ZNF184: variants seen among roughly 807,000 people sequenced by gnomAD.
ZNF184 encodes zinc finger protein 184 (Kruppel-like).
ZNF184 carries 16 observed loss-of-function variants against 54.4 expected under a neutral mutation model. The observed-to-expected ratio is 0.29, with a 90% CI of 0.20 to 0.45. The LOEUF is 0.45. Ranked by LOEUF, ZNF184 falls within the 20% of genes least tolerant of loss-of-function variation. The pLI is 1.00. For missense variants in ZNF184, 681 were observed against 888.2 expected, an observed-to-expected ratio of 0.77 and a Z score of 2.97; for synonymous variants, 254 against 295.3, an observed-to-expected ratio of 0.86 and a Z score of 1.43.
chr6:27,425,119 G>A, the ZNF184 span, among the ~76,000 whole-genome samples: 66,616 of 152,106 alleles, frequency 0.44, 15,062 homozygotes, highest in South Asian at 0.56. Flanking sequence ...CGGCTGCTCC[G>A]AGCGCGGGGC....
the ZNF184 span, among the ~76,000 whole-genome samples, chr6:27,442,822 G>GAA: frequency 4.8e-4 from 11 of 22,688 alleles, 1 homozygote; most frequent in South Asian, 4.9e-3. Context: ...GAGAAAGAAA[G>GAA]AAAGAAAGAA....
the ZNF184 span, among the ~76,000 whole-genome samples, chr6:27,407,217 C>T: frequency 2.6e-5 from 4 of 152,314 alleles, no homozygotes; most frequent in East Asian, 1.9e-4. Flanking sequence ...TTGTGGGGGA[C>T]GTAGGCAGGT....
the ZNF184 span, among the ~76,000 whole-genome samples, chr6:27,425,989 A>G: frequency 6.6e-6 from 1 of 152,188 alleles, no homozygotes; most frequent in Non-Finnish European, 1.5e-5. Context: ...TTTCAAGCAC[A>G]CTGGTGTATT....
chr6:27,458,527 C>T (rs1209952571), intron 3 of ZNF184, among the ~76,000 whole-genome samples: 12 of 151,560 alleles, frequency 7.9e-5, no homozygotes, highest in Admixed American at 7.9e-4. Flanking sequence ...CTCAATATCA[C>T]TAAATGCAAA....
At chr6:27,470,473 A>G (rs1261186371) in intron 2 of ZNF184, among the ~76,000 whole-genome samples, 1 of 152,210 alleles carries the variant, frequency 6.6e-6, no homozygotes, top group Non-Finnish European at 1.5e-5. Context: ...AAGTAGAGGA[A>G]GCAATAAAGG....
chr6:27,419,201 G>T, the ZNF184 span, among the ~76,000 whole-genome samples: 2 of 152,130 alleles, frequency 1.3e-5, no homozygotes, highest in African/African-American at 4.8e-5. The surrounding 1 kb of genome is among the most constrained non-coding windows in gnomAD (Gnocchi z 4.8). Flanking sequence ...CCTCCCAGAG[G>T]TTCAAGCTAT....
At chr6:27,416,352 G>A in the ZNF184 span, among the ~76,000 whole-genome samples, 1 of 152,286 alleles carries the variant, frequency 6.6e-6, no homozygotes. Flanking sequence ...AGAGGGTAAG[G>A]TTTACTTATG....
At chr6:27,410,217 C>T in the ZNF184 span, among the ~76,000 whole-genome samples, 1 of 152,132 alleles carries the variant, frequency 6.6e-6, no homozygotes, top group Non-Finnish European at 1.5e-5. Context: ...TTTAATTCAC[C>T]ACATTATGGG....
chr6:27,461,548 C>G (rs961224429), intron 3 of ZNF184, among the ~76,000 whole-genome samples: 2 of 151,954 alleles, frequency 1.3e-5, no homozygotes, highest in African/African-American at 4.8e-5. Context: ...ATGGAATTAA[C>G]AATAATTGGA....
the ZNF184 span, among the ~76,000 whole-genome samples, chr6:27,432,783 T>A: frequency 2.0e-5 from 3 of 152,166 alleles, no homozygotes; most frequent in African/African-American, 4.8e-5. This position sits in a 1 kb window ranked among gnomAD's most constrained non-coding sequence, Gnocchi z 4.0. Flanking sequence ...CCTCCCAACC[T>A]GGGTGGGATA....
At chr6:27,470,053 G>A (rs1218803382) in intron 2 of ZNF184, among the ~76,000 whole-genome samples, 2 of 152,224 alleles carry the variant, frequency 1.3e-5, no homozygotes, top group African/African-American at 4.8e-5. Flanking sequence ...CATTAGGGTA[G>A]GTCAGTGCCA....
the ZNF184 span, among the ~76,000 whole-genome samples, chr6:27,412,322 A>G: frequency 0.59 from 89,014 of 152,002 alleles, 26,523 homozygotes; most frequent in Middle Eastern, 0.75. Flanking sequence ...GAGCTGGGCC[A>G]GTTGGGTCAG....
chr6:27,451,609 G>A lies in ZNF184; in HGVS notation c.1950C>T (p.Thr650=), dbSNP rs1762723037. Residue 650 remains threonine, a synonymous_variant, in exon 6 of 6, where the codon ACC becomes ACT. Coordinates refer to ENST00000683788, the MANE Select transcript of ZNF184 (RefSeq NM_001318891.2). Reference sequence around the variant, plus strand: ...GAGTTAGATGGGAGCTCTGGCTAAAGGTCTTTTCACATTTATTACACTGGT... The same window carrying A: ...GAGTTAGATGGGAGCTCTGGCTAAAAGTCTTTTCACATTTATTACACTGGT... ...KPYQCNKCEK[T]FSQSSHLTQH... 1 of 1,613,982 alleles carries A rather than the reference G, an allele frequency of 6.2e-7. No individual in the cohort carries two copies. Among genetic ancestry groups the A allele is most frequent in the Non-Finnish European group, 8.5e-7 (1 of 1,180,008 alleles).
intron 3 of ZNF184, among the ~76,000 whole-genome samples, chr6:27,462,992 G>A (rs1052446960): frequency 6.7e-6 from 1 of 150,152 alleles, no homozygotes; most frequent in Non-Finnish European, 1.5e-5. Flanking sequence ...AACATCAAAA[G>A]TTTTTATGAC....
the ZNF184 span, among the ~76,000 whole-genome samples, chr6:27,424,495 T>C: frequency 6.6e-6 from 1 of 152,194 alleles, no homozygotes; most frequent in African/African-American, 2.4e-5. Flanking sequence ...TTATAATCCC[T>C]GAGCTAGACA....
At chr6:27,445,090 T>C in the ZNF184 span, among the ~76,000 whole-genome samples, 1 of 152,136 alleles carries the variant, frequency 6.6e-6, no homozygotes, top group African/African-American at 2.4e-5. Context: ...GACAAAATAA[T>C]TTTACTCCTA....
intron 3 of ZNF184, among the ~76,000 whole-genome samples, chr6:27,464,422 T>C (rs1300468156): frequency 1.3e-5 from 2 of 152,038 alleles, no homozygotes; most frequent in Non-Finnish European, 2.9e-5. Flanking sequence ...CACTTGAAAG[T>C]AAATGGTGAT....
chr6:27,425,187 C>T, the ZNF184 span, among the ~76,000 whole-genome samples: 1 of 152,352 alleles, frequency 6.6e-6, no homozygotes, highest in Admixed American at 6.5e-5. Flanking sequence ...GCGCGCAACC[C>T]TGGTTCCCGC....
rs554090410 is a variant in ZNF184, at chr6:27,453,352, T to C, written c.299-92A>G. 86 of 1,275,212 alleles carry C rather than the reference T, an allele frequency of 6.7e-5. No homozygotes were observed. Among genetic ancestry groups the C allele is most frequent in the Middle Eastern group, 2.1e-4 (1 of 4,872 alleles). 79.0% of individuals were successfully genotyped at this position (1,275,212 alleles called of 1,614,324 possible). A position where few individuals can be genotyped will look rare whatever the true frequency, so the allele number is the denominator to read the frequency against. On this transcript the variant is annotated intron_variant, in intron 5 of 5. Transcript: ENST00000683788. This position sits in a 1 kb window ranked among gnomAD's most constrained non-coding sequence, Gnocchi z 4.7. ...ATATAATGATACTGAAAAATAAATC[T>C]CTCAGAAAATTCTAATGGTTTTCAA...
Sources: allele counts gnomAD v4.1 joint callset (sites outside exome capture counted in the v4.1 genomes callset), GRCh38; gene constraint gnomAD v4.1.1; non-coding constraint Gnocchi (gnomAD v3.1); transcripts MANE v1.5; gene names NCBI Gene and HGNC (gene_info 2026-07-23, HGNC 2026-07-21).